The following FRRS1 variants were observed in gnomAD, a reference collection of about 807,000 sequenced individuals.
FRRS1 encodes the protein ferric chelate reductase 1.
In FRRS1, 51 loss-of-function variants were observed where a neutral mutation model predicts 70.7. The ratio of observed to expected loss-of-function variants is 0.72; its 90% CI spans 0.58 to 0.91. The LOEUF (loss-of-function observed/expected upper bound fraction) is 0.91, where lower values mean the gene tolerates loss of function less well. Ranked by LOEUF, FRRS1 falls within the 40% of genes least tolerant of loss-of-function variation. FRRS1 has a pLI of 0.00. For synonymous variants in FRRS1, 225 were observed against 238.7 expected, an observed-to-expected ratio of 0.94 and a Z score of 0.53; for missense variants, 672 against 726.0, an observed-to-expected ratio of 0.93 and a Z score of 0.86.
chr1:99,709,006 A>T lies in FRRS1; in HGVS notation c.*22T>A. 1.2e-6 allele frequency: 2 copies of T among 1,613,946 alleles called. No homozygotes were observed. Among genetic ancestry groups the T allele is most frequent in the Non-Finnish European group, 1.7e-6 (2 of 1,179,876 alleles). On this transcript the variant is annotated 3_prime_UTR_variant, in exon 17 of 17. Coordinates refer to ENST00000646001, the MANE Select transcript of FRRS1 (RefSeq NM_001361041.2). ...TGATGATAATTATCACTTGGCCTGC[A>T]AAAGCCAAGGTCTTTGCTTGCTCAT...
rs186513000 is a variant in FRRS1, at chr1:99,742,106, G to T, written c.428+73C>A. 4 of 894,644 alleles carry T rather than the reference G, an allele frequency of 4.5e-6. No individual in the cohort carries two copies. The East Asian group carries it at 9.8e-5, about 22-fold the overall frequency. 55.4% of individuals were successfully genotyped at this position (894,644 alleles called of 1,614,324 possible). ...CTGGGCTCAAGTGATCCACCACCTT[G>T]GCATCCCAAAGTGCTGGGATTATAG... On this transcript the variant is annotated intron_variant, in intron 5 of 16. Coordinates refer to ENST00000646001, the MANE Select transcript of FRRS1 (RefSeq NM_001361041.2).
intron 4 of FRRS1, among the ~76,000 whole-genome samples, chr1:99,745,422 G>A (rs1361157755): frequency 6.6e-6 from 1 of 152,162 alleles, no homozygotes; most frequent in Admixed American, 6.5e-5. Flanking sequence ...GGTGGGTCAT[G>A]CATGTAATCC....
At chr1:99,727,560 G>A (rs1441183406) in intron 9 of FRRS1, among the ~76,000 whole-genome samples, 10 of 152,150 alleles carry the variant, frequency 6.6e-5, no homozygotes, top group Admixed American at 5.9e-4. Flanking sequence ...GCTTTACCAA[G>A]AGCAGAAAAT....
chr1:99,716,245 T>G (rs1654518785), intron 11 of FRRS1, among the ~76,000 whole-genome samples: 1 of 152,192 alleles, frequency 6.6e-6, no homozygotes, highest in African/African-American at 2.4e-5. Context: ...AAGCACCCTG[T>G]GTATGTGTGT....
At chr1:99,748,825 T>A in intron 2 of FRRS1, 57 bp from the exon 3 acceptor site, 2 of 1,327,288 alleles carry the variant, frequency 1.5e-6, no homozygotes, top group Non-Finnish European at 2.1e-6. Context: ...TATAAAAGCT[T>A]TTACACAACT....
intron 7 of FRRS1, among the ~76,000 whole-genome samples, chr1:99,730,286 T>C (rs747691219): frequency 1.3e-5 from 2 of 152,192 alleles, no homozygotes; most frequent in African/African-American, 4.8e-5. Context: ...TGCTACATAG[T>C]GTACATATTC....
Position 99,748,565 on chromosome 1 carries a change from C to G in FRRS1, c.196+8G>C. On this transcript the variant is annotated splice_region_variant and intron_variant, in intron 3 of 16. Transcript: ENST00000646001. Reference sequence around the variant, plus strand: ...CCAAAATGTAAACAGTTAATCCCAGCACGGTACCTTCAATCTGATCTCCTG... The same window carrying G: ...CCAAAATGTAAACAGTTAATCCCAGGACGGTACCTTCAATCTGATCTCCTG... 6.2e-7 allele frequency: 1 copy of G among 1,608,240 alleles called. No homozygotes were observed. The highest frequency in any genetic ancestry group is 1.7e-4 in the Middle Eastern group (1 of 6,052).
chr1:99,715,199 C>T (rs1206763203), intron 12 of FRRS1, among the ~76,000 whole-genome samples: 1 of 152,086 alleles, frequency 6.6e-6, no homozygotes, highest in Non-Finnish European at 1.5e-5. Context: ...CTTAGCACCG[C>T]TGGGTACTGA....
rs546991804 is a variant in FRRS1 at position 99,760,838 on chromosome 1, C to G, written c.-106+5769G>C. On this transcript the variant is annotated intron_variant, in intron 1 of 16. Coordinates refer to ENST00000646001, the MANE Select transcript of FRRS1 (RefSeq NM_001361041.2). ...CTAATTTTTGTATTTTTGGTATAGA[C>G]GGGGGTTTCACCATGTTGGCCAGGC... is the stretch of plus-strand genomic sequence containing the variant. Among the ~76,000 whole-genome samples the G allele has an allele frequency of 8.9e-4, 135 of 151,888 alleles. 1 individual carries two copies. Among genetic ancestry groups the G allele is most frequent in the African/African-American group, 2.6e-3 (108 of 41,418 alleles).
At chr1:99,719,688 T>A in intron 9 of FRRS1, 41 bp from the exon 10 acceptor site, 1 of 1,057,034 alleles carries the variant, frequency 9.5e-7, no homozygotes. Context: ...AAAGAATAAT[T>A]ACTTCCTCAA....
chr1:99,728,922 T>C (rs1351619527), intron 8 of FRRS1, among the ~76,000 whole-genome samples: 3 of 152,248 alleles, frequency 2.0e-5, no homozygotes, highest in Non-Finnish European at 4.4e-5. Context: ...TTAACAGATG[T>C]ACTAACTCCA....
rs1654121233 is a variant in FRRS1 at position 99,708,624 on chromosome 1, AAATATATATATATATATATATAT to A, written c.*381_*403del. The A allele has an allele frequency of 1.4e-5, 1 of 70,608 alleles. No individual in the cohort carries two copies. Among genetic ancestry groups the A allele is most frequent in the Non-Finnish European group, 2.4e-5 (1 of 41,210 alleles). 4.4% of individuals were successfully genotyped at this position (70,608 alleles called of 1,614,324 possible). A position where few individuals can be genotyped will look rare whatever the true frequency, so the allele number is the denominator to read the frequency against. ...AAAAAAAAAAAAAAAAAAAAAAAAA[AAATATATATATATATATATATAT>A]ATATATATATATATATCGTAATATA... On this transcript the variant is annotated 3_prime_UTR_variant, in exon 17 of 17. Coordinates refer to ENST00000646001, the MANE Select transcript of FRRS1 (RefSeq NM_001361041.2).
At chr1:99,728,227 T>C (rs1358248400) in intron 9 of FRRS1, among the ~76,000 whole-genome samples, 3 of 152,226 alleles carry the variant, frequency 2.0e-5, no homozygotes, top group Non-Finnish European at 4.4e-5. Flanking sequence ...TAGGTATTTA[T>C]AGTTCTTCTG....
At chr1:99,744,588 A>T (rs1362560375) in intron 4 of FRRS1, among the ~76,000 whole-genome samples, 1 of 152,106 alleles carries the variant, frequency 6.6e-6, no homozygotes, top group Non-Finnish European at 1.5e-5. Context: ...GGTGTTCAAG[A>T]CCAGCCTGAC....
intron 9 of FRRS1, among the ~76,000 whole-genome samples, chr1:99,728,140 G>C (rs756264162): frequency 1.1e-4 from 17 of 152,222 alleles, no homozygotes; most frequent in Non-Finnish European, 2.9e-5. Context: ...CAACCTCAAA[G>C]TCACTGCTTC....
chr1:99,749,058 A>C, intron 1 of FRRS1, 57 bp from the exon 2 acceptor site: 1 of 244,768 alleles, frequency 4.1e-6, no homozygotes, highest in Non-Finnish European at 7.9e-6. Context: ...TTCTCGAGAC[A>C]TAGATCTCGC....
At chr1:99,736,643 T>A (rs1434955180) in intron 7 of FRRS1, among the ~76,000 whole-genome samples, 1 of 136,824 alleles carries the variant, frequency 7.3e-6, no homozygotes, top group Non-Finnish European at 1.5e-5. Flanking sequence ...TGGGGAGGGA[T>A]AGCATTAGGA....
chr1:99,715,727 G>C, intron 11 of FRRS1, 55 bp from the exon 12 acceptor site: 1 of 1,256,594 alleles, frequency 8.0e-7, no homozygotes, highest in Non-Finnish European at 1.2e-6. Flanking sequence ...AAGAAAGGTG[G>C]TGTTGCAACG....
intron 1 of FRRS1, among the ~76,000 whole-genome samples, chr1:99,762,039 G>A (rs1415289385): frequency 1.3e-5 from 2 of 152,162 alleles, no homozygotes; most frequent in Non-Finnish European, 2.9e-5. Flanking sequence ...GAAAATGAGA[G>A]GTGAAAAGTA....
Sources: allele counts gnomAD v4.1 joint callset (sites outside exome capture counted in the v4.1 genomes callset), GRCh38; gene constraint gnomAD v4.1.1; transcripts MANE v1.5; gene names NCBI Gene and HGNC (gene_info 2026-07-23, HGNC 2026-07-21).